Variants in SLC6A3 observed in about 807,000 individuals in gnomAD.
The protein encoded by SLC6A3 is solute carrier family 6 member 3.
A neutral mutation model predicts 70.4 loss-of-function variants in SLC6A3; 19 were observed. The observed-to-expected ratio is 0.27, with a 90% CI of 0.19 to 0.40. The LOEUF (loss-of-function observed/expected upper bound fraction) is 0.40, where lower values mean the gene tolerates loss of function less well. SLC6A3 is among the 10% of genes least tolerant of loss of function. SLC6A3 has a pLI of 1.00. For synonymous variants in SLC6A3, 368 were observed against 356.6 expected, an observed-to-expected ratio of 1.03 and a Z score of -0.36; for missense variants, 613 against 838.5, an observed-to-expected ratio of 0.73 and a Z score of 3.32.
At chr5:1,417,935 G>T (rs1756345798) in intron 6 of SLC6A3, among the ~76,000 whole-genome samples, 1 of 152,230 alleles carries the variant, frequency 6.6e-6, no homozygotes. Flanking sequence ...TGCAGAGGGG[G>T]CGGGGCCCTC....
rs1234928236 is a variant in SLC6A3 at position 1,396,412 on chromosome 5, G to A, written c.1840-1654C>T. 6.6e-6 allele frequency among the ~76,000 whole-genome samples: 1 copy of A among 152,216 alleles called. No homozygotes were observed. The highest frequency in any genetic ancestry group is 1.5e-5 in the Non-Finnish European group (1 of 68,034). On this transcript the variant is annotated intron_variant, in intron 14 of 14. Coordinates refer to ENST00000270349, the MANE Select transcript of SLC6A3 (RefSeq NM_001044.5). This position sits in a 1 kb window ranked among gnomAD's most constrained non-coding sequence, Gnocchi z 7.0. ...GTGGTCCCTGAGGGAAGCCAACAAG[G>A]AGGCCCCCCTGCCACCCTGCTCGCT...
chr5:1,404,864 T>C lies in SLC6A3; in HGVS notation c.1599+1324A>G, dbSNP rs747744054. On this transcript the variant is annotated intron_variant, in intron 12 of 14. Transcript: ENST00000270349. This position sits in a 1 kb window ranked among gnomAD's most constrained non-coding sequence, Gnocchi z 5.2. Reference sequence around the variant, plus strand: ...TGTGTTTCTGTATGAAGTTCGAAGATTTAGTCTAAGATCAGTAGAACATTT... The same window carrying C: ...TGTGTTTCTGTATGAAGTTCGAAGACTTAGTCTAAGATCAGTAGAACATTT... Among the ~76,000 whole-genome samples, 2 of 152,258 alleles carry C rather than the reference T, an allele frequency of 1.3e-5. No individual in the cohort carries two copies. Among genetic ancestry groups the C allele is most frequent in the Non-Finnish European group, 2.9e-5 (2 of 68,046 alleles).
At position 1,421,922 on chromosome 5, in the gene SLC6A3, A is replaced by G; in HGVS notation, c.746T>C (p.Val249Ala). Residue 249 changes from valine (V) to alanine (A), a missense_variant, in exon 5 of 15, where the codon GTG becomes GCG. Physicochemically the swap from Val to Ala is moderately conservative, Grantham distance 64 (BLOSUM62 0). This residue lies in a region of SLC6A3 where 153 missense variants were observed against 249.4 expected (regional missense o/e 0.61). Coordinates refer to ENST00000270349, the MANE Select transcript of SLC6A3 (RefSeq NM_001044.5). This position sits in a 1 kb window ranked among gnomAD's most constrained non-coding sequence, Gnocchi z 7.2. ...QLTACLVLVI[V>A]LLYFSLWKGV... ...CTTCCAGAGGCTGAAGTAGAGCAGCACGATGACCAGCACCAGGCAGGCTGT... is the reference window on the plus strand; with the variant it reads ...CTTCCAGAGGCTGAAGTAGAGCAGCGCGATGACCAGCACCAGGCAGGCTGT... 3 of 1,613,212 alleles carry G rather than the reference A, an allele frequency of 1.9e-6. No individual in the cohort carries two copies. The highest frequency in any genetic ancestry group is 2.5e-6 in the Non-Finnish European group (3 of 1,180,008).
At chr5:1,427,694 A>C (rs1756603212) in intron 4 of SLC6A3, among the ~76,000 whole-genome samples, 1 of 152,256 alleles carries the variant, frequency 6.6e-6, no homozygotes, top group Admixed American at 6.5e-5. Context: ...TAATGATACG[A>C]AAGTTGGGGT....
At chr5:1,434,825 G>A (rs1560924548) in intron 3 of SLC6A3, among the ~76,000 whole-genome samples, 1 of 152,150 alleles carries the variant, frequency 6.6e-6, no homozygotes, top group African/African-American at 2.4e-5. Context: ...CTGTTCTCAT[G>A]CTCAGGGCAC....
In SLC6A3 at chr5:1,440,223, T is replaced by G. The variant is rs577343806; in HGVS notation, c.418+1136A>C. 1.2e-4 allele frequency among the ~76,000 whole-genome samples: 19 copies of G among 152,064 alleles called. No individual in the cohort carries two copies. The South Asian group carries it at 3.7e-3, about 30-fold the overall frequency. On this transcript the variant is annotated intron_variant, in intron 3 of 14. Coordinates refer to ENST00000270349, the MANE Select transcript of SLC6A3 (RefSeq NM_001044.5). ...GAACAATGGATAACAGATGGATGAA[T>G]GGATAGATGAATAGATAGAAGATGG... is the stretch of plus-strand genomic sequence containing the variant.
At chr5:1,417,773 C>T (rs146070301) in intron 6 of SLC6A3, among the ~76,000 whole-genome samples, 2 of 152,312 alleles carry the variant, frequency 1.3e-5, no homozygotes, top group East Asian at 3.9e-4. Context: ...GCTGTTCCTG[C>T]AAGTCCCTGG....
chr5:1,404,557 G>A lies in SLC6A3; in HGVS notation c.1600-1468C>T, dbSNP rs1246920669. ...CATAATTTCCCTTTAGCAGTGCTGT[G>A]GCATCATCTGCCACAGAGTCATCTG... is the stretch of plus-strand genomic sequence containing the variant. On this transcript the variant is annotated intron_variant, in intron 12 of 14. Coordinates refer to ENST00000270349, the MANE Select transcript of SLC6A3 (RefSeq NM_001044.5). The surrounding 1 kb of genome is among the most constrained non-coding windows in gnomAD (Gnocchi z 5.2). 2.0e-5 allele frequency among the ~76,000 whole-genome samples: 3 copies of A among 152,218 alleles called. No individual in the cohort carries two copies. Among genetic ancestry groups the A allele is most frequent in the African/African-American group, 7.2e-5 (3 of 41,452 alleles).
chr5:1,403,103 A>G lies in SLC6A3; in HGVS notation c.1600-14T>C. On this transcript the variant is annotated splice_polypyrimidine_tract_variant and intron_variant, in intron 12 of 14. Transcript: ENST00000270349. ...CACGACCACGAACTGCAACCAGCAG[A>G]TACGGAGGTCAGGCAGCTCTCAGCC... The G allele has an allele frequency of 2.5e-6, 4 of 1,612,874 alleles. No homozygotes were observed. The highest frequency in any genetic ancestry group is 3.4e-6 in the Non-Finnish European group (4 of 1,179,796).
intron 3 of SLC6A3, among the ~76,000 whole-genome samples, chr5:1,440,845 C>A (rs1733635339): frequency 6.6e-6 from 1 of 152,182 alleles, no homozygotes; most frequent in Admixed American, 6.5e-5. Flanking sequence ...GCCTCCAGAG[C>A]TGTGAGACAA....
rs41282615 is a variant in SLC6A3, at chr5:1,411,425, G to T, written c.1157-70C>A. 8.8e-7 allele frequency: 1 copy of T among 1,137,524 alleles called. No individual in the cohort carries two copies. The highest frequency in any genetic ancestry group is 1.3e-6 in the Non-Finnish European group (1 of 776,250). The allele number at this position is 1,137,524 out of a possible 1,614,324, so 70.5% of individuals were successfully genotyped here. A position where few individuals can be genotyped will look rare whatever the true frequency, so the allele number is the denominator to read the frequency against. On this transcript the variant is annotated intron_variant, in intron 8 of 14. Coordinates refer to ENST00000270349, the MANE Select transcript of SLC6A3 (RefSeq NM_001044.5). This position sits in a 1 kb window ranked among gnomAD's most constrained non-coding sequence, Gnocchi z 6.5. Reference sequence around the variant, plus strand: ...TCTCCCGCCCATCCTGCCCCACCCCGCCCCGAGAAGCATGGCCTGCCACAG... The same window carrying T: ...TCTCCCGCCCATCCTGCCCCACCCCTCCCCGAGAAGCATGGCCTGCCACAG...
At chr5:1,443,312 C>T in intron 1 of SLC6A3, 70 bp from the exon 2 acceptor site, 1 of 1,252,976 alleles carries the variant, frequency 8.0e-7, no homozygotes, top group Non-Finnish European at 1.2e-6. Flanking sequence ...TAGGGACATA[C>T]CTGGTGCGGA....
At chr5:1,432,204 G>A (rs945446935) in intron 4 of SLC6A3, among the ~76,000 whole-genome samples, 2 of 152,114 alleles carry the variant, frequency 1.3e-5, no homozygotes, top group African/African-American at 2.4e-5. Flanking sequence ...CTGAGCTGCC[G>A]CTGGGAGCAG....
rs565773695 is a variant in SLC6A3, at chr5:1,420,729, G to C, written c.793-26C>G. 3.1e-6 allele frequency: 5 copies of C among 1,612,262 alleles called. No individual in the cohort carries two copies. In the African/African-American group the frequency reaches 5.3e-5, roughly 17 times the overall value. ...CTGCAGGAGAGGACAGTGTCACCAG[G>C]CTGCACAGGCAGGGCCCTTGGTGGG... On this transcript the variant is annotated intron_variant, in intron 5 of 14. Coordinates refer to ENST00000270349, the MANE Select transcript of SLC6A3 (RefSeq NM_001044.5).
At chr5:1,416,572 CT>C in intron 6 of SLC6A3, 3 of 292,922 alleles carry the variant, frequency 1.0e-5, no homozygotes, top group Non-Finnish European at 2.0e-5. Flanking sequence ...ACAGCACGGC[CT>C]CATCTACACA....
At chr5:1,444,987 G>A (rs1016969440) in intron 1 of SLC6A3, among the ~76,000 whole-genome samples, 5 of 152,260 alleles carry the variant, frequency 3.3e-5, no homozygotes, top group Non-Finnish European at 7.4e-5. Context: ...TCTGGGATGC[G>A]CCGCACCCCT....
rs369805676 is a variant in SLC6A3 at position 1,411,392 on chromosome 5, C to T, written c.1157-37G>A. 167 of 1,458,294 alleles carry T rather than the reference C, an allele frequency of 1.1e-4. 3 individuals are homozygous for T. In the South Asian group the frequency reaches 1.8e-3, roughly 16 times the overall value. 90.3% of individuals were successfully genotyped at this position (1,458,294 alleles called of 1,614,324 possible). Reference sequence around the variant, plus strand: ...CCCGCCCTGCTTGCCACAGAGCCCACGCTGTGCTCTCCCGCCCATCCTGCC... The same window carrying T: ...CCCGCCCTGCTTGCCACAGAGCCCATGCTGTGCTCTCCCGCCCATCCTGCC... On this transcript the variant is annotated intron_variant, in intron 8 of 14. Coordinates refer to ENST00000270349, the MANE Select transcript of SLC6A3 (RefSeq NM_001044.5). This position sits in a 1 kb window ranked among gnomAD's most constrained non-coding sequence, Gnocchi z 6.5.
At chr5:1,439,621 C>T (rs1368089775) in intron 3 of SLC6A3, among the ~76,000 whole-genome samples, 1 of 152,222 alleles carries the variant, frequency 6.6e-6, no homozygotes, top group Non-Finnish European at 1.5e-5. Flanking sequence ...ACCCCTGACC[C>T]ATTGGTAATG....
intron 8 of SLC6A3, among the ~76,000 whole-genome samples, chr5:1,414,294 C>T (rs539230872): frequency 2.4e-3 from 336 of 141,140 alleles, no homozygotes; most frequent in Non-Finnish European, 3.8e-3. Flanking sequence ...AGGGAGCAGT[C>T]GAGGGACTGA....
Sources: gnomAD v4.1 joint callset for allele counts (sites outside exome capture counted in the v4.1 genomes callset) on GRCh38, gnomAD v4.1.1 for gene constraint, gnomAD v4.1.1 regional missense constraint, Gnocchi (gnomAD v3.1) non-coding constraint, MANE v1.5 for transcripts, NCBI Gene and HGNC (gene_info 2026-07-23, HGNC 2026-07-21) for gene names.